NMNAT2: variants seen among roughly 807,000 people sequenced by gnomAD.
NMNAT2 encodes the protein nicotinamide/nicotinic acid mononucleotide adenylyltransferase 2.
Under a neutral mutation model 41.6 loss-of-function variants are expected in NMNAT2, and 11 were observed. The ratio of observed to expected loss-of-function variants is 0.26; its 90% CI spans 0.17 to 0.44. The LOEUF is 0.44. Among genes scored for constraint, NMNAT2 ranks in the 20% least tolerant of loss-of-function variants. The pLI, the probability that NMNAT2 is intolerant of heterozygous loss-of-function variation, is 1.00. For missense variants in NMNAT2, 288 were observed against 407.7 expected (o/e 0.71, Z 2.53); for synonymous variants, 148 against 151.2 (o/e 0.98, Z 0.16).
rs74644498 is a variant in NMNAT2 at position 183,414,411 on chromosome 1, C to T, written c.85+3772G>A. 2.0e-5 allele frequency among the ~76,000 whole-genome samples: 3 copies of T among 152,270 alleles called. No homozygotes were observed. In the East Asian group the frequency reaches 5.8e-4, roughly 29 times the overall value. On this transcript the variant is annotated intron_variant, in intron 1 of 10. Transcript: ENST00000287713. ...CTATTTAAACTTGCTCTCTGACTTC[C>T]CAGTGGTAGATTTATTGACAAATAT...
At chr1:183,380,221 A>G (rs536471366) in intron 1 of NMNAT2, among the ~76,000 whole-genome samples, 1 of 152,194 alleles carries the variant, frequency 6.6e-6, no homozygotes, top group Non-Finnish European at 1.5e-5. Flanking sequence ...CAAGAAAAAC[A>G]TCTTTAGTCC....
At chr1:183,392,253 G>C (rs926782208) in intron 1 of NMNAT2, among the ~76,000 whole-genome samples, 2 of 152,110 alleles carry the variant, frequency 1.3e-5, no homozygotes, top group South Asian at 2.1e-4. Flanking sequence ...ATTCTTCCAA[G>C]GGTTCAGGCC....
intron 1 of NMNAT2, among the ~76,000 whole-genome samples, chr1:183,392,240 T>A (rs1648504305): frequency 6.6e-6 from 1 of 152,142 alleles, no homozygotes; most frequent in Admixed American, 6.5e-5. Context: ...AAATGGAAAC[T>A]CCATTCTTCC....
chr1:183,294,693 G>A (rs1165185957), intron 1 of NMNAT2, among the ~76,000 whole-genome samples: 1 of 152,156 alleles, frequency 6.6e-6, no homozygotes, highest in Admixed American at 6.5e-5. Flanking sequence ...GGGAGACTGA[G>A]GCAGGAGAAT....
chr1:183,362,875 C>CCAAT (rs1321248615), intron 1 of NMNAT2, among the ~76,000 whole-genome samples: 10 of 152,256 alleles, frequency 6.6e-5, no homozygotes, highest in African/African-American at 2.4e-4. Flanking sequence ...ATTTTATATT[C>CCAAT]CAATCAACAA....
At chr1:183,268,854 C>T (rs1248010960) in intron 8 of NMNAT2, among the ~76,000 whole-genome samples, 1 of 152,146 alleles carries the variant, frequency 6.6e-6, no homozygotes, top group Non-Finnish European at 1.5e-5. Flanking sequence ...CCAGCCTGGG[C>T]AACATGGTGG....
intron 1 of NMNAT2, among the ~76,000 whole-genome samples, chr1:183,342,100 C>G (rs1662832305): frequency 6.7e-6 from 1 of 149,688 alleles, no homozygotes; most frequent in Non-Finnish European, 1.5e-5. Context: ...CCCAAACATG[C>G]AAAGCAGTGT....
intron 1 of NMNAT2, among the ~76,000 whole-genome samples, chr1:183,314,834 G>A (rs10911302): frequency 0.4 from 60,265 of 151,928 alleles, 13,275 homozygotes; most frequent in East Asian, 0.69. Context: ...AGCTATGATG[G>A]CACCACTGCA....
intron 10 of NMNAT2, among the ~76,000 whole-genome samples, chr1:183,256,463 G>A (rs1660518899): frequency 6.6e-6 from 1 of 152,114 alleles, no homozygotes; most frequent in East Asian, 1.9e-4. Flanking sequence ...GTTATGTTGA[G>A]AAACTTTCCT....
intron 10 of NMNAT2, among the ~76,000 whole-genome samples, chr1:183,259,858 C>T (rs1206589172): frequency 6.6e-6 from 1 of 152,194 alleles, no homozygotes; most frequent in African/African-American, 2.4e-5. Flanking sequence ...CTCGGACTCC[C>T]AAAGTGCTGG....
At chr1:183,279,973 GCTGACAACAGAGATC>G (rs2102298213) in intron 7 of NMNAT2, among the ~76,000 whole-genome samples, 1 of 152,342 alleles carries the variant, frequency 6.6e-6, no homozygotes, top group African/African-American at 2.4e-5. Context: ...CAACAGATGA[GCTGACAACAGAGATC>G]CTGCAGGCTG....
chr1:183,321,876 T>C (rs982645218), intron 1 of NMNAT2, among the ~76,000 whole-genome samples: 1 of 152,206 alleles, frequency 6.6e-6, no homozygotes, highest in Admixed American at 6.5e-5. Context: ...TGGAGTGCAG[T>C]GGTGCGATCA....
At chr1:183,404,631 T>C (rs553203615) in intron 1 of NMNAT2, among the ~76,000 whole-genome samples, 8 of 152,048 alleles carry the variant, frequency 5.3e-5, no homozygotes, top group Non-Finnish European at 1.0e-4. Flanking sequence ...TTGTGTCCAA[T>C]AGGAGCTCTA....
chr1:183,410,590 C>G (rs1168577296), intron 1 of NMNAT2, among the ~76,000 whole-genome samples: 1 of 151,958 alleles, frequency 6.6e-6, no homozygotes, highest in Non-Finnish European at 1.5e-5. Context: ...GCACTGCCCC[C>G]CTTCCAACCT....
intron 1 of NMNAT2, among the ~76,000 whole-genome samples, chr1:183,317,452 G>A (rs1662277291): frequency 6.6e-6 from 1 of 151,734 alleles, no homozygotes; most frequent in African/African-American, 2.4e-5. Flanking sequence ...TTGTGTGTGT[G>A]GAGATGAGGT....
At chr1:183,266,568 T>G (rs1660821618) in intron 8 of NMNAT2, 1 of 153,234 alleles carries the variant, frequency 6.5e-6, no homozygotes, top group African/African-American at 2.4e-5. Flanking sequence ...TTGATTCGTT[T>G]TATAAGACTG....
intron 1 of NMNAT2, among the ~76,000 whole-genome samples, chr1:183,297,608 C>T (rs143052056): frequency 3.0e-4 from 46 of 152,124 alleles, no homozygotes; most frequent in African/African-American, 1.1e-3. Flanking sequence ...CTTGAACTCC[C>T]GACCTCAGGT....
intron 3 of NMNAT2, among the ~76,000 whole-genome samples, chr1:183,291,472 C>T (rs1661539455): frequency 6.6e-6 from 1 of 152,172 alleles, no homozygotes; most frequent in Non-Finnish European, 1.5e-5. Context: ...AGGCGCCCCA[C>T]CCCAGCCAAC....
At chr1:183,416,906 T>G (rs886347175) in intron 1 of NMNAT2, among the ~76,000 whole-genome samples, 1 of 152,080 alleles carries the variant, frequency 6.6e-6, no homozygotes, top group Non-Finnish European at 1.5e-5. Flanking sequence ...TGTGCCCGCA[T>G]CCAGCTCCGG....
Sources: gnomAD v4.1 joint callset for allele counts (sites outside exome capture counted in the v4.1 genomes callset) on GRCh38, gnomAD v4.1.1 for gene constraint, MANE v1.5 for transcripts, NCBI Gene and HGNC (gene_info 2026-07-23, HGNC 2026-07-21) for gene names.